The following LTBP1 variants were observed in gnomAD, a reference collection of about 807,000 sequenced individuals.
LTBP1 encodes the protein latent-transforming growth factor beta-binding protein 1.
Under a neutral mutation model 207.6 loss-of-function variants are expected in LTBP1, and 129 were observed. The ratio of observed to expected loss-of-function variants is 0.62; its 90% CI spans 0.54 to 0.72. The LOEUF (loss-of-function observed/expected upper bound fraction) is 0.72, where lower values mean the gene tolerates loss of function less well. LTBP1 is among the 30% of genes least tolerant of loss of function. The pLI, the probability that LTBP1 is intolerant of heterozygous loss-of-function variation, is 0.00. For missense variants in LTBP1, 2,281 were observed against 2,217.2 expected (o/e 1.03, Z -0.58); for synonymous variants, 963 against 833.7 (o/e 1.16, Z -2.67).
intron 2 of LTBP1, among the ~76,000 whole-genome samples, chr2:32,971,689 G>T (rs1280879262): frequency 1.3e-5 from 2 of 152,142 alleles, no homozygotes; most frequent in African/African-American, 4.8e-5. Flanking sequence ...GCTGGATTTA[G>T]TTTGCTAGTA....
chr2:33,037,278 G>A (rs1381557426), intron 3 of LTBP1, among the ~76,000 whole-genome samples: 1 of 152,158 alleles, frequency 6.6e-6, no homozygotes, highest in Non-Finnish European at 1.5e-5. Flanking sequence ...GGTCTTTTGA[G>A]TATCCTTAAG....
rs576194878 is a variant in LTBP1, at chr2:33,181,331, T to C, written c.1202-5525T>C. Among the ~76,000 whole-genome samples, 3 of 152,340 alleles carry C rather than the reference T, an allele frequency of 2.0e-5. No homozygotes were observed. The South Asian group carries it at 6.2e-4, about 32-fold the overall frequency. ...TTTGTTCATCTAAACAAGGTTCCAA[T>C]TCGTGGCACAGAATGTGAATATTAT... is the stretch of plus-strand genomic sequence containing the variant. On this transcript the variant is annotated intron_variant, in intron 5 of 33. Coordinates refer to ENST00000404816, the MANE Select transcript of LTBP1 (RefSeq NM_206943.4).
chr2:33,061,486 C>G (rs774512135), intron 3 of LTBP1: 3 of 152,074 alleles, frequency 2.0e-5, no homozygotes, highest in Non-Finnish European at 2.9e-5. Context: ...CAGTCCTACC[C>G]CAGAGACAAC....
chr2:33,204,207 A>AT (rs749321771), intron 7 of LTBP1, among the ~76,000 whole-genome samples: 19 of 151,672 alleles, frequency 1.3e-4, no homozygotes, highest in Admixed American at 3.3e-4. Context: ...TCATCCTTCC[A>AT]TTTTTTTTCC....
chr2:33,392,800 A>G (rs2095326091), intron 32 of LTBP1, among the ~76,000 whole-genome samples: 1 of 152,036 alleles, frequency 6.6e-6, no homozygotes, highest in Admixed American at 6.6e-5. Flanking sequence ...GCTGTGATAC[A>G]TGGGATCTGA....
At chr2:33,360,576 T>C (rs1291513811) in intron 26 of LTBP1, 21 bp from the exon 27 acceptor site, 3 of 1,565,508 alleles carry the variant, frequency 1.9e-6, no homozygotes, top group Non-Finnish European at 2.6e-6. Context: ...ATTGTCACTC[T>C]ACTTTCTCTA....
intron 3 of LTBP1, among the ~76,000 whole-genome samples, chr2:33,072,905 A>G (rs530916208): frequency 6.6e-6 from 1 of 152,282 alleles, no homozygotes; most frequent in African/African-American, 2.4e-5. Flanking sequence ...CCACCACTTC[A>G]GAGGGGGCGA....
At chr2:33,002,661 T>C (rs1320993812) in intron 2 of LTBP1, among the ~76,000 whole-genome samples, 1 of 151,826 alleles carries the variant, frequency 6.6e-6, no homozygotes, top group Non-Finnish European at 1.5e-5. Flanking sequence ...AGCACTTTGG[T>C]TTTTTTGTTT....
Position 33,398,685 on chromosome 2 carries a change from A to G in LTBP1, c.*140A>G. ...GCATGGAATTGCAAGTCCTCTGAAG[A>G]CAATGAGAGGATTTAGGATGAGCCC... On this transcript the variant is annotated 3_prime_UTR_variant, in exon 34 of 34. Transcript: ENST00000404816. 2 of 762,586 alleles carry G rather than the reference A, an allele frequency of 2.6e-6. No individual in the cohort carries two copies. The highest frequency in any genetic ancestry group is 4.0e-6 in the Non-Finnish European group (2 of 497,642). The allele number at this position is 762,586 out of a possible 1,614,324, so 47.2% of individuals were successfully genotyped here.
chr2:32,995,133 A>G (rs976667815), intron 2 of LTBP1, among the ~76,000 whole-genome samples: 6 of 151,876 alleles, frequency 4.0e-5, no homozygotes, highest in Admixed American at 6.6e-5. Flanking sequence ...GCAGTGAGCT[A>G]TGATCACACC....
chr2:33,089,132 G>C (rs2078927311), intron 3 of LTBP1, among the ~76,000 whole-genome samples: 1 of 146,840 alleles, frequency 6.8e-6, no homozygotes, highest in African/African-American at 2.5e-5. Context: ...CTCCAGCCTG[G>C]GTGATAGAGT....
At position 33,252,765 on chromosome 2, in the gene LTBP1, C is replaced by T. The variant is rs61754244; in HGVS notation, c.2088C>T (p.His696=). ...GRQCMHPLSV[H]LTKQLCCCSV... ...AGTGTATGCACCCTCTGTCTGTTCACCTCACCAAGCAGCTCTGCTGTTGTA... is the reference window on the plus strand; with the variant it reads ...AGTGTATGCACCCTCTGTCTGTTCATCTCACCAAGCAGCTCTGCTGTTGTA... Residue 696 remains histidine (H), a synonymous_variant, in exon 11 of 34, where the codon CAC becomes CAT. Transcript: ENST00000404816. 1.5e-3 allele frequency: 2,400 copies of T among 1,614,082 alleles called. 1 individual carries two copies. The highest frequency in any genetic ancestry group is 2.1e-3 in the Middle Eastern group (13 of 6,062).
intron 2 of LTBP1, among the ~76,000 whole-genome samples, chr2:32,967,795 G>A (rs1272269782): frequency 2.0e-5 from 3 of 152,126 alleles, no homozygotes; most frequent in South Asian, 4.1e-4. Flanking sequence ...TTCTGCTGTC[G>A]TTGGATGAAG....
Position 33,339,436 on chromosome 2 carries a change from G to A in LTBP1, c.3731-3402G>A, listed in dbSNP as rs116083722. On this transcript the variant is annotated intron_variant, in intron 24 of 33. Transcript: ENST00000404816. Reference sequence around the variant, plus strand: ...AACATAAATAATCTCTTTGATGTACGCCCATCTCAGAAAGCCTACCTTTAG... The same window carrying A: ...AACATAAATAATCTCTTTGATGTACACCCATCTCAGAAAGCCTACCTTTAG... 3.5e-3 allele frequency among the ~76,000 whole-genome samples: 531 copies of A among 152,078 alleles called. 2 individuals are homozygous for A. The highest frequency in any genetic ancestry group is 0.012 in the African/African-American group (508 of 41,460).
intron 24 of LTBP1, among the ~76,000 whole-genome samples, chr2:33,318,320 G>T (rs1559002782): frequency 6.6e-6 from 1 of 152,182 alleles, no homozygotes; most frequent in South Asian, 2.1e-4. Flanking sequence ...TGGGAAGTAG[G>T]TGGTGGGTGG....
intron 31 of LTBP1, among the ~76,000 whole-genome samples, chr2:33,368,510 G>A (rs527729564): frequency 2.6e-5 from 4 of 152,294 alleles, no homozygotes; most frequent in African/African-American, 7.2e-5. Context: ...CCATGTATGC[G>A]TCTGCAGGAA....
chr2:33,228,169 C>A (rs1223602310), intron 9 of LTBP1, among the ~76,000 whole-genome samples: 2 of 152,134 alleles, frequency 1.3e-5, no homozygotes, highest in Non-Finnish European at 2.9e-5. Context: ...ATAAAACCAA[C>A]ATATTTGTAG....
Position 32,984,541 on chromosome 2 carries a change from A to G in LTBP1, c.565+35596A>G, listed in dbSNP as rs114334948. On this transcript the variant is annotated intron_variant, in intron 2 of 33. Coordinates refer to ENST00000404816, the MANE Select transcript of LTBP1 (RefSeq NM_206943.4). ...GAACTGAAACTCAGACTCCCATTTT[A>G]TAGAGGAGATAAGTAAAGCTCAAAA... 8.4e-4 allele frequency among the ~76,000 whole-genome samples: 128 copies of G among 152,340 alleles called. 1 individual carries two copies. Among genetic ancestry groups the G allele is most frequent in the African/African-American group, 2.8e-3 (117 of 41,586 alleles).
chr2:33,107,389 T>C (rs529336961), intron 3 of LTBP1, among the ~76,000 whole-genome samples: 6 of 152,306 alleles, frequency 3.9e-5, no homozygotes, highest in African/African-American at 1.4e-4. Flanking sequence ...TTTACAGATT[T>C]GTTGAAATGT....
Sources: allele counts gnomAD v4.1 joint callset (sites outside exome capture counted in the v4.1 genomes callset), GRCh38; gene constraint gnomAD v4.1.1; transcripts MANE v1.5; gene names NCBI Gene and HGNC (gene_info 2026-07-23, HGNC 2026-07-21).